Variants in TTC24 observed in about 807,000 individuals in gnomAD.
TTC24 encodes the protein tetratricopeptide repeat domain 24, also known as tetratricopeptide repeat protein 24.
In TTC24, 54 loss-of-function variants were observed where a neutral mutation model predicts 63.3. The observed-to-expected ratio is 0.85, with a 90% CI of 0.69 to 1.07. TTC24 has a LOEUF of 1.07. Ranked by LOEUF, TTC24 falls within the 50% of genes least tolerant of loss-of-function variation. The probability of loss-of-function intolerance (pLI) is 0.00; values close to 1 mark genes in which losing one functional copy is unlikely to be tolerated. For synonymous variants in TTC24, 276 were observed against 304.3 expected (o/e 0.91, Z 0.97); for missense variants, 680 against 730.5 (o/e 0.93, Z 0.80).
intron 2 of TTC24, 36 bp from the exon 3 acceptor site, chr1:156,582,195 G>C: frequency 1.3e-6 from 2 of 1,525,098 alleles, no homozygotes; most frequent in Non-Finnish European, 1.8e-6. Context: ...ATTTATATCT[G>C]GTCTGGCTAC....
chr1:156,584,779 G>A (rs1026214603), intron 6 of TTC24, 98 bp from the exon 7 acceptor site: 6 of 744,530 alleles, frequency 8.1e-6, no homozygotes, highest in Middle Eastern at 2.5e-4. Flanking sequence ...GGCAGAGCCC[G>A]AATTGTCTCT....
chr1:156,582,522 C>T (rs144691054), intron 3 of TTC24, 88 bp downstream of exon 3: 2 of 1,193,784 alleles, frequency 1.7e-6, no homozygotes, highest in East Asian at 2.4e-5. Context: ...GGTGGATGGC[C>T]CTTTGGGACC....
Position 156,587,257 on chromosome 1 carries a change from TCTC to T in TTC24, c.*711_*713del, listed in dbSNP as rs1295608910. 6.6e-6 allele frequency among the ~76,000 whole-genome samples: 1 copy of T among 151,974 alleles called. No homozygotes were observed. Among genetic ancestry groups the T allele is most frequent in the Non-Finnish European group, 1.5e-5 (1 of 68,014 alleles). ...TATTCTAGGTGCTTCACAAGTGTAT[TCTC>T]CTCTAATCCTCACAACAAATATATG... On this transcript the variant is annotated 3_prime_UTR_variant, in exon 11 of 11. Transcript: ENST00000368236.
chr1:156,584,476 G>T (rs937528669), intron 6 of TTC24: 1 of 176,222 alleles, frequency 5.7e-6, no homozygotes, highest in Admixed American at 6.2e-5. Context: ...TTATGCCCTT[G>T]CATTTTAAAG....
chr1:156,582,183 T>C (rs1271961779), intron 2 of TTC24, 48 bp from the exon 3 acceptor site: 3 of 1,508,418 alleles, frequency 2.0e-6, no homozygotes, highest in Non-Finnish European at 2.7e-6. Context: ...TGTACCAGCC[T>C]CATTTATATC....
rs1214522836 is a variant in TTC24 at position 156,583,193 on chromosome 1, G to A, written c.1039+23G>A. ...CTGGTAAGCGTGAGAGGGTTGGGAT[G>A]TGACTGGGACAGTGGGGAGGCTGAG... On this transcript the variant is annotated intron_variant, in intron 4 of 10. Transcript: ENST00000368236. This position sits in a 1 kb window ranked among gnomAD's most constrained non-coding sequence, Gnocchi z 4.0. 1 of 1,611,118 alleles carries A rather than the reference G, an allele frequency of 6.2e-7. No homozygotes were observed. The highest frequency in any genetic ancestry group is 1.3e-5 in the African/African-American group (1 of 74,882).
rs2102474612 is a variant in TTC24 at position 156,583,820 on chromosome 1, A to C, written c.1176A>C (p.Glu392Asp). The C allele has an allele frequency of 6.3e-7, 1 of 1,589,008 alleles. No homozygotes were observed. Among genetic ancestry groups the C allele is most frequent in the Non-Finnish European group, 8.6e-7 (1 of 1,168,392 alleles). The change falls in exon 6 of 11, where the codon GAA (glutamate) becomes GAC (aspartate). Residue 392 changes from glutamate to aspartate, a missense_variant. Transcript: ENST00000368236. This position sits in a 1 kb window ranked among gnomAD's most constrained non-coding sequence, Gnocchi z 4.0. ...AGAAGGAGCCAGATTCTGTGCGAGA[A>C]CGGCTGGTGGCCAAGCTGGCAGACA... ...QCQKEPDSVRERLVAKLADTV... is the reference protein window; with the variant it reads ...QCQKEPDSVRDRLVAKLADTV...
Position 156,586,646 on chromosome 1 carries a change from A to C in TTC24, c.*96A>C. Reference sequence around the variant, plus strand: ...GGACCAAGCCTCTTCCCAGTTGCTCAGCCCTGCAGGGATGTGGAACACAGT... The same window carrying C: ...GGACCAAGCCTCTTCCCAGTTGCTCCGCCCTGCAGGGATGTGGAACACAGT... On this transcript the variant is annotated 3_prime_UTR_variant, in exon 11 of 11. Transcript: ENST00000368236. 3 of 1,127,672 alleles carry C rather than the reference A, an allele frequency of 2.7e-6. No individual in the cohort carries two copies. The South Asian group carries it at 4.1e-5, about 15-fold the overall frequency. 69.9% of individuals were successfully genotyped at this position (1,127,672 alleles called of 1,614,324 possible). A position where few individuals can be genotyped will look rare whatever the true frequency, so the allele number is the denominator to read the frequency against.
chr1:156,582,163 C>T (rs1361591098), intron 2 of TTC24, 68 bp from the exon 3 acceptor site: 32 of 1,475,586 alleles, frequency 2.2e-5, no homozygotes, highest in Middle Eastern at 1.8e-4. Flanking sequence ...CTGGAGGAGT[C>T]GATAGGGGCT....
In TTC24 at chr1:156,582,108, A is replaced by G. The variant is rs1028215951; in HGVS notation, c.706+38A>G. ...GGCAGGGAAGGCATGGGATCTGGGGAGACACAGAGCCTGATGATACTCAGA... is the reference window on the plus strand; with the variant it reads ...GGCAGGGAAGGCATGGGATCTGGGGGGACACAGAGCCTGATGATACTCAGA... On this transcript the variant is annotated intron_variant, in intron 2 of 10. Transcript: ENST00000368236. 1.2e-5 allele frequency: 17 copies of G among 1,463,708 alleles called. No homozygotes were observed. The South Asian group carries it at 2.0e-4, about 17-fold the overall frequency. 90.7% of individuals were successfully genotyped at this position (1,463,708 alleles called of 1,614,324 possible). A position where few individuals can be genotyped will look rare whatever the true frequency, so the allele number is the denominator to read the frequency against.
chr1:156,587,148 A>G lies in TTC24; in HGVS notation c.*598A>G, dbSNP rs1040387298. ...CTTAGCTCAGGCCCCACCCTATTCT[A>G]GGTGCTTAGCTCAGGCCCCACCCTA... On this transcript the variant is annotated 3_prime_UTR_variant, in exon 11 of 11. Transcript: ENST00000368236. Among the ~76,000 whole-genome samples, 29 of 151,266 alleles carry G rather than the reference A, an allele frequency of 1.9e-4. 2 individuals are homozygous for G. Among genetic ancestry groups the G allele is most frequent in the African/African-American group, 6.8e-4 (28 of 41,256 alleles).
Position 156,582,345 on chromosome 1 carries a change from C to G in TTC24, c.821C>G (p.Thr274Arg). The change falls in exon 3 of 11, where the codon ACA becomes AGA. Residue 274 changes from threonine (T) to arginine (R), a missense_variant. By Grantham distance (71) the Thr-to-Arg change is moderately conservative. Coordinates refer to ENST00000368236, the MANE Select transcript of TTC24 (RefSeq NM_001105669.4). ...PLCWVPGEQA[T>R]VLRNLGMAHN... is the part of the protein sequence containing the mutation. ...TGCTGGGTGCCAGGAGAGCAGGCCA[C>G]AGTGCTAAGAAACCTCGGGATGGCC... The G allele has an allele frequency of 1.2e-6, 2 of 1,611,242 alleles. No individual in the cohort carries two copies. The highest frequency in any genetic ancestry group is 2.2e-5 in the South Asian group (2 of 90,364).
Position 156,582,231 on chromosome 1 carries a change from G to A in TTC24, c.707G>A (p.Gly236Glu), listed in dbSNP as rs757423705. ...AERSTERRLLGHLYNDLGLGY... is the reference protein window; with the variant it reads ...AERSTERRLLEHLYNDLGLGY... ...CAGTGACCCTGGCTATTCCCTCTAG[G>A]GCACCTCTATAACGATCTAGGCCTG... Residue 236 changes from glycine to glutamate, a missense_variant and splice_region_variant, in exon 3 of 11, where the codon GGG becomes GAG. Physicochemically the swap from Gly to Glu is moderately conservative, Grantham distance 98. Coordinates refer to ENST00000368236, the MANE Select transcript of TTC24 (RefSeq NM_001105669.4). The A allele has an allele frequency of 5.2e-6, 8 of 1,549,954 alleles. No individual in the cohort carries two copies. The highest frequency in any genetic ancestry group is 7.0e-6 in the Non-Finnish European group (8 of 1,145,924).
In TTC24 at chr1:156,583,995, C is replaced by T; in HGVS notation, c.1251+100C>T. On this transcript the variant is annotated intron_variant, in intron 6 of 10. Coordinates refer to ENST00000368236, the MANE Select transcript of TTC24 (RefSeq NM_001105669.4). The surrounding 1 kb of genome is among the most constrained non-coding windows in gnomAD (Gnocchi z 4.0). Reference sequence around the variant, plus strand: ...ACGCTGTTCCCTGGGATGCTGCGCGCTTGGCCGCTCATCTGTGTTCATCCG... The same window carrying T: ...ACGCTGTTCCCTGGGATGCTGCGCGTTTGGCCGCTCATCTGTGTTCATCCG... 3 of 975,824 alleles carry T rather than the reference C, an allele frequency of 3.1e-6. No individual in the cohort carries two copies. Among genetic ancestry groups the T allele is most frequent in the Non-Finnish European group, 4.7e-6 (3 of 633,274 alleles). 60.4% of individuals were successfully genotyped at this position (975,824 alleles called of 1,614,324 possible).
At chr1:156,582,968 G>T in intron 3 of TTC24, 74 bp from the exon 4 acceptor site, 1 of 1,546,676 alleles carries the variant, frequency 6.5e-7, no homozygotes, top group Non-Finnish European at 8.7e-7. Context: ...GTCTGTCTTG[G>T]TTGCTGGAGG....
In TTC24 at chr1:156,583,199, G is replaced by A. The variant is rs745927596; in HGVS notation, c.1039+29G>A. On this transcript the variant is annotated intron_variant, in intron 4 of 10. Coordinates refer to ENST00000368236, the MANE Select transcript of TTC24 (RefSeq NM_001105669.4). The surrounding 1 kb of genome is among the most constrained non-coding windows in gnomAD (Gnocchi z 4.0). The stretch of plus-strand genomic sequence containing the variant: ...AGCGTGAGAGGGTTGGGATGTGACT[G>A]GGACAGTGGGGAGGCTGAGGGTCCT... The A allele has an allele frequency of 3.4e-5, 54 of 1,610,450 alleles. No homozygotes were observed. In the Admixed American group the frequency reaches 8.6e-4, roughly 26 times the overall value.
rs1030302166 is a variant in TTC24 at position 156,583,279 on chromosome 1, G to A, written c.1040-59G>A. 1.2e-6 allele frequency: 2 copies of A among 1,607,800 alleles called. No individual in the cohort carries two copies. Among genetic ancestry groups the A allele is most frequent in the South Asian group, 1.1e-5 (1 of 90,506 alleles). The stretch of plus-strand genomic sequence containing the variant: ...ACTGAGGGTAGGGAGTGCCTCTGAG[G>A]GGGTGGATCAGTGGGGTAGGAAGTC... On this transcript the variant is annotated intron_variant, in intron 4 of 10. Transcript: ENST00000368236. The surrounding 1 kb of genome is among the most constrained non-coding windows in gnomAD (Gnocchi z 4.0).
Position 156,586,491 on chromosome 1 carries a change from A to G in TTC24, c.1690A>G (p.Ser564Gly), listed in dbSNP as rs200196010. Residue 564 changes from serine to glycine, a missense_variant, in exon 11 of 11, where the codon AGC (serine) becomes GGC (glycine). Physicochemically the swap from Ser to Gly is moderately conservative, Grantham distance 56. Coordinates refer to ENST00000368236, the MANE Select transcript of TTC24 (RefSeq NM_001105669.4). The stretch of plus-strand genomic sequence containing the variant: ...CAGGTCATCCAGGTGGCCCAGGGAA[A>G]GCCTCAGCAGGAGCCGCCAGAGGAG... ...ANRSSRWPRESLSRSRQRRPM... is the reference protein window; with the variant it reads ...ANRSSRWPREGLSRSRQRRPM... 74 of 1,612,252 alleles carry G rather than the reference A, an allele frequency of 4.6e-5. No homozygotes were observed. Among genetic ancestry groups the G allele is most frequent in the Non-Finnish European group, 6.0e-5 (71 of 1,179,832 alleles).
rs868600690 is a variant in TTC24, at chr1:156,582,115, G to C, written c.706+45G>C. 8 of 1,462,942 alleles carry C rather than the reference G, an allele frequency of 5.5e-6. No individual in the cohort carries two copies. The Middle Eastern group carries it at 1.3e-3, about 232-fold the overall frequency. 90.6% of individuals were successfully genotyped at this position (1,462,942 alleles called of 1,614,324 possible). ...AAGGCATGGGATCTGGGGAGACACA[G>C]AGCCTGATGATACTCAGAGGGCTGG... On this transcript the variant is annotated intron_variant, in intron 2 of 10. Coordinates refer to ENST00000368236, the MANE Select transcript of TTC24 (RefSeq NM_001105669.4).
Sources: allele counts gnomAD v4.1 joint callset (sites outside exome capture counted in the v4.1 genomes callset), GRCh38; gene constraint gnomAD v4.1.1; non-coding constraint Gnocchi (gnomAD v3.1); transcripts MANE v1.5; gene names NCBI Gene and HGNC (gene_info 2026-07-23, HGNC 2026-07-21).